The following PIGB variants were observed in gnomAD, a reference collection of about 807,000 sequenced individuals.
The protein encoded by PIGB is phosphatidylinositol glycan anchor biosynthesis class B.
PIGB carries 58 observed loss-of-function variants against 68.4 expected under a neutral mutation model. The observed-to-expected ratio is 0.85, with a 90% CI of 0.69 to 1.06. The LOEUF is 1.06. PIGB is among the 50% of genes least tolerant of loss of function. The pLI is 0.00. For missense variants in PIGB, 634 were observed against 655.8 expected (o/e 0.97, Z 0.36); for synonymous variants, 219 against 220.5 (o/e 0.99, Z 0.06).
chr15:55,353,998 T>TAAAAATAAAAAAAAAAAAAAAAAAA (rs112479438), intron 10 of PIGB, among the ~76,000 whole-genome samples: 23 of 111,968 alleles, frequency 2.1e-4, no homozygotes, highest in African/African-American at 9.8e-4. Flanking sequence ...TCATCTTAAA[T>TAAAAATAAAAAAAAAAAAAAAAAAA]AAAAAAAAAA....
intron 6 of PIGB, among the ~76,000 whole-genome samples, chr15:55,338,136 G>A (rs890321994): frequency 4.6e-5 from 7 of 152,124 alleles, no homozygotes; most frequent in African/African-American, 9.7e-5. Context: ...TTCATGTAGT[G>A]ATGATTCATA....
chr15:55,346,614 T>C (rs551867644), intron 9 of PIGB: 19 of 152,336 alleles, frequency 1.2e-4, no homozygotes, highest in African/African-American at 4.6e-4. Flanking sequence ...ACCTATACTT[T>C]AGTCACTGGG....
rs370591024 is a variant in PIGB at position 55,326,157 on chromosome 15, A to G, written c.418-1374A>G. On this transcript the variant is annotated intron_variant, in intron 3 of 11. Transcript: ENST00000164305. ...GCTTGCAGTGAGCCGTGATCGTGCCACTGCACTCCACCCTGGGCAACAGAG... is the reference window on the plus strand; with the variant it reads ...GCTTGCAGTGAGCCGTGATCGTGCCGCTGCACTCCACCCTGGGCAACAGAG... 6.6e-5 allele frequency among the ~76,000 whole-genome samples: 10 copies of G among 151,096 alleles called. No individual in the cohort carries two copies. In the East Asian group the frequency reaches 1.4e-3, roughly 21 times the overall value.
intron 7 of PIGB, 73 bp from the exon 8 acceptor site, chr15:55,340,539 T>C: frequency 1.1e-6 from 1 of 885,068 alleles, no homozygotes; most frequent in East Asian, 2.7e-5. Flanking sequence ...CAAAATTGTA[T>C]CAATCCCCTA....
At position 55,355,550 on chromosome 15, in the gene PIGB, CA is replaced by C. The variant is rs1410125396; in HGVS notation, c.*121del. On this transcript the variant is annotated 3_prime_UTR_variant, in exon 12 of 12. Transcript: ENST00000164305. ...AAAAAAGCTGTATGAACTGCTTTACCAAATATCACTACTGAGGAAATGTATA... is the reference window on the plus strand; with the variant it reads ...AAAAAAGCTGTATGAACTGCTTTACCAATATCACTACTGAGGAAATGTATA... 1.4e-6 allele frequency: 1 copy of C among 724,480 alleles called. No individual in the cohort carries two copies. The highest frequency in any genetic ancestry group is 2.3e-6 in the Non-Finnish European group (1 of 438,634). 44.9% of individuals were successfully genotyped at this position (724,480 alleles called of 1,614,324 possible). A position where few individuals can be genotyped will look rare whatever the true frequency, so the allele number is the denominator to read the frequency against.
intron 6 of PIGB, among the ~76,000 whole-genome samples, chr15:55,335,805 T>C (rs2055521389): frequency 6.6e-6 from 1 of 152,104 alleles, no homozygotes; most frequent in African/African-American, 2.4e-5. Context: ...AGGAGACTGA[T>C]GTGGCTAAAA....
chr15:55,324,922 G>C (rs949920837), intron 3 of PIGB: 1 of 492,480 alleles, frequency 2.0e-6, no homozygotes, highest in Non-Finnish European at 2.6e-6. Context: ...TCCAATTTTA[G>C]CATTTATTTA....
chr15:55,346,891 T>C (rs913215237), intron 9 of PIGB: 7 of 152,238 alleles, frequency 4.6e-5, no homozygotes, highest in African/African-American at 1.2e-4. Context: ...CAGTCTAGCA[T>C]TGGAACTGGA....
chr15:55,321,882 C>A lies in PIGB; in HGVS notation c.417+492C>A, dbSNP rs554625220. Among the ~76,000 whole-genome samples the A allele has an allele frequency of 8.2e-5, 12 of 145,972 alleles. No homozygotes were observed. The South Asian group carries it at 2.7e-3, about 32-fold the overall frequency. ...GGTCAGGCTGGTCTCGAACTCCCGA[C>A]CTGAGGTGATCTGCCCGTGCGGTGG... On this transcript the variant is annotated intron_variant, in intron 3 of 11. Coordinates refer to ENST00000164305, the MANE Select transcript of PIGB (RefSeq NM_004855.5).
intron 9 of PIGB, 168 bp from the exon 10 acceptor site, chr15:55,350,530 GA>G (rs2055897929): frequency 3.3e-6 from 2 of 607,950 alleles, no homozygotes; most frequent in African/African-American, 3.7e-5. Flanking sequence ...AGACCTAGAT[GA>G]CAGTAGTGAA....
chr15:55,333,474 T>C (rs765469243), intron 5 of PIGB, among the ~76,000 whole-genome samples: 14 of 152,100 alleles, frequency 9.2e-5, no homozygotes, highest in Non-Finnish European at 1.9e-4. Flanking sequence ...GATTAGCCTG[T>C]AATCCCAGCA....
At position 55,326,589 on chromosome 15, in the gene PIGB, G is replaced by A. The variant is rs146347725; in HGVS notation, c.418-942G>A. 9.5e-3 allele frequency among the ~76,000 whole-genome samples: 1,439 copies of A among 152,220 alleles called. 20 individuals are homozygous for A. Among genetic ancestry groups the A allele is most frequent in the African/African-American group, 0.033 (1,354 of 41,518 alleles). On this transcript the variant is annotated intron_variant, in intron 3 of 11. Coordinates refer to ENST00000164305, the MANE Select transcript of PIGB (RefSeq NM_004855.5). ...ATACTTTTAAAATAGAAACTTGGCCGAGCACGGTGGCTTACACCTGTAATC... is the reference window on the plus strand; with the variant it reads ...ATACTTTTAAAATAGAAACTTGGCCAAGCACGGTGGCTTACACCTGTAATC...
intron 9 of PIGB, among the ~76,000 whole-genome samples, chr15:55,345,023 G>C (rs771905837): frequency 6.6e-6 from 1 of 150,742 alleles, no homozygotes; most frequent in Non-Finnish European, 1.5e-5. Context: ...AGCCTCCAGA[G>C]TAGCTGGAAT....
chr15:55,342,979 TGGA>T (rs2055706181), intron 9 of PIGB, among the ~76,000 whole-genome samples: 1 of 152,048 alleles, frequency 6.6e-6, no homozygotes, highest in Non-Finnish European at 1.5e-5. Flanking sequence ...CAACTGGAAC[TGGA>T]GGCTGGAAAA....
In PIGB at chr15:55,350,801, G is replaced by A. The variant is rs769536433; in HGVS notation, c.1226G>A (p.Arg409Gln). The change falls in exon 10 of 12, where the codon CGA (arginine) becomes CAA (glutamine). Residue 409 changes from arginine (R) to glutamine (Q), a missense_variant. Coordinates refer to ENST00000164305, the MANE Select transcript of PIGB (RefSeq NM_004855.5). ...LALYTGLVHQ[R>Q]GTLDVMSHIQ... Reference sequence around the variant, plus strand: ...CTTTATACTGGTTTAGTTCATCAACGAGGTACTCTTGATGTCATGAGTCAT... The same window carrying A: ...CTTTATACTGGTTTAGTTCATCAACAAGGTACTCTTGATGTCATGAGTCAT... The A allele has an allele frequency of 5.6e-6, 9 of 1,606,112 alleles. No individual in the cohort carries two copies. Among genetic ancestry groups the A allele is most frequent in the African/African-American group, 5.3e-5 (4 of 74,858 alleles).
intron 9 of PIGB, 136 bp downstream of exon 9, chr15:55,341,938 A>G (rs2055680831): frequency 1.1e-5 from 4 of 372,078 alleles, no homozygotes; most frequent in Non-Finnish European, 1.9e-5. Flanking sequence ...TATTACTGCA[A>G]TATTCCCTTT....
chr15:55,336,218 C>CA (rs2055532370), intron 6 of PIGB, among the ~76,000 whole-genome samples: 1 of 151,996 alleles, frequency 6.6e-6, no homozygotes, highest in Admixed American at 6.6e-5. Flanking sequence ...CCCATCTCAA[C>CA]AAAAAAATTT....
At chr15:55,348,218 C>T (rs1159026216) in intron 9 of PIGB, 1 of 152,296 alleles carries the variant, frequency 6.6e-6, no homozygotes, top group Non-Finnish European at 1.5e-5. Flanking sequence ...ATCTCTTCAC[C>T]TCGCGATCTG....
chr15:55,355,567 G>A lies in PIGB; in HGVS notation c.*135G>A, dbSNP rs1836538309. ...TGCTTTACCAAATATCACTACTGAGGAAATGTATAAAATACCACATAGTAT... is the reference window on the plus strand; with the variant it reads ...TGCTTTACCAAATATCACTACTGAGAAAATGTATAAAATACCACATAGTAT... On this transcript the variant is annotated 3_prime_UTR_variant, in exon 12 of 12. Coordinates refer to ENST00000164305, the MANE Select transcript of PIGB (RefSeq NM_004855.5). The A allele has an allele frequency of 1.6e-6, 1 of 633,788 alleles. No individual in the cohort carries two copies. The highest frequency in any genetic ancestry group is 2.9e-5 in the Admixed American group (1 of 34,084). The allele number at this position is 633,788 out of a possible 1,614,324, so 39.3% of individuals were successfully genotyped here.
Sources: allele counts gnomAD v4.1 joint callset (sites outside exome capture counted in the v4.1 genomes callset), GRCh38; gene constraint gnomAD v4.1.1; transcripts MANE v1.5; gene names NCBI Gene and HGNC (gene_info 2026-07-23, HGNC 2026-07-21).